Variants in KCNH5 observed in about 807,000 individuals in gnomAD.
The protein encoded by KCNH5 is potassium voltage-gated channel subfamily H member 5.
KCNH5 carries 46 observed loss-of-function variants against 96.1 expected under a neutral mutation model. That is an observed-to-expected ratio of 0.48 (90% CI 0.38 to 0.61). The LOEUF (loss-of-function observed/expected upper bound fraction) is 0.61. KCNH5 is among the 20% of genes least tolerant of loss of function. The pLI is 0.00. For synonymous variants in KCNH5, 439 were observed against 449.8 expected (o/e 0.98, Z 0.30); for missense variants, 907 against 1,225.8 (o/e 0.74, Z 3.88).
intron 7 of KCNH5, among the ~76,000 whole-genome samples, chr14:62,894,589 C>T (rs1888774918): frequency 6.6e-6 from 1 of 152,134 alleles, no homozygotes; most frequent in South Asian, 2.1e-4. Flanking sequence ...AAACAACACC[C>T]CCTAGAACAA....
intron 7 of KCNH5, among the ~76,000 whole-genome samples, chr14:62,903,009 C>T (rs868412912): frequency 1.3e-5 from 2 of 152,260 alleles, no homozygotes; most frequent in South Asian, 2.1e-4. Context: ...TGAGCCACCA[C>T]GTCTGCGATA....
intron 7 of KCNH5, among the ~76,000 whole-genome samples, chr14:62,881,174 C>G (rs529473459): frequency 6.6e-6 from 1 of 152,276 alleles, no homozygotes; most frequent in South Asian, 2.1e-4. Context: ...TACAGGTAGT[C>G]AATGATACCC....
At chr14:62,997,459 G>A (rs1890926871) in intron 4 of KCNH5, among the ~76,000 whole-genome samples, 1 of 152,078 alleles carries the variant, frequency 6.6e-6, no homozygotes, top group Admixed American at 6.5e-5. Context: ...TCTGCTGACT[G>A]GCATAATCAT....
Position 62,736,990 on chromosome 14 carries a change from C to A in KCNH5, c.2020-28535G>T, listed in dbSNP as rs942765214. On this transcript the variant is annotated intron_variant, in intron 10 of 10. Coordinates refer to ENST00000322893, the MANE Select transcript of KCNH5 (RefSeq NM_139318.5). ...TTTTTTCTCTCAGGTCCTTTATAGT[C>A]ATTATTTCCTCTGCTCATATCCCTT... Among the ~76,000 whole-genome samples, 8 of 152,250 alleles carry A rather than the reference C, an allele frequency of 5.3e-5. No homozygotes were observed. The South Asian group carries it at 1.7e-3, about 32-fold the overall frequency.
intron 10 of KCNH5, among the ~76,000 whole-genome samples, chr14:62,758,984 C>A (rs905548219): frequency 4.6e-5 from 7 of 152,172 alleles, no homozygotes; most frequent in African/African-American, 1.4e-4. Flanking sequence ...AGTTCTCTTC[C>A]ATTTGTTTAA....
At chr14:62,798,020 A>C (rs919981361) in intron 9 of KCNH5, among the ~76,000 whole-genome samples, 11 of 152,128 alleles carry the variant, frequency 7.2e-5, no homozygotes, top group Non-Finnish European at 8.8e-5. Context: ...CCCAGCCTAC[A>C]ATGGATTTTA....
intron 7 of KCNH5, among the ~76,000 whole-genome samples, chr14:62,871,177 A>G (rs375044747): frequency 2.7e-4 from 41 of 152,012 alleles, no homozygotes; most frequent in African/African-American, 9.2e-4. Context: ...TGTGTACCAG[A>G]CTCTTTGTGA....
At chr14:62,973,667 G>A (rs1890450654) in intron 6 of KCNH5, among the ~76,000 whole-genome samples, 1 of 152,052 alleles carries the variant, frequency 6.6e-6, no homozygotes, top group African/African-American at 2.4e-5. Flanking sequence ...TTTTGCTATG[G>A]CAGCACATAA....
chr14:62,701,787 T>C lies in KCNH5; in HGVS notation c.*5721A>G, dbSNP rs1246537577. ...ATTCAGAAAATTAACATTTTTTCATTAGAGAAAATTATTGAAACTCTCTGA... is the reference window on the plus strand; with the variant it reads ...ATTCAGAAAATTAACATTTTTTCATCAGAGAAAATTATTGAAACTCTCTGA... On this transcript the variant is annotated 3_prime_UTR_variant, in exon 11 of 11. Transcript: ENST00000322893. The C allele has an allele frequency of 6.6e-6, 1 of 152,114 alleles. No homozygotes were observed. Among genetic ancestry groups the C allele is most frequent in the Non-Finnish European group, 1.5e-5 (1 of 67,974 alleles). 9.4% of individuals were successfully genotyped at this position (152,114 alleles called of 1,614,324 possible). A position where few individuals can be genotyped will look rare whatever the true frequency, so the allele number is the denominator to read the frequency against.
intron 8 of KCNH5, among the ~76,000 whole-genome samples, chr14:62,807,434 C>T (rs531368613): frequency 1.7e-4 from 26 of 151,940 alleles, no homozygotes; most frequent in African/African-American, 5.8e-4. Flanking sequence ...AACTATAATG[C>T]CTTTTAGTTC....
rs184894057 is a variant in KCNH5 at position 62,779,614 on chromosome 14, T to C, written c.2019+114A>G. 112 of 791,796 alleles carry C rather than the reference T, an allele frequency of 1.4e-4. No individual in the cohort carries two copies. The African/African-American group carries it at 1.8e-3, about 13-fold the overall frequency. The allele number at this position is 791,796 out of a possible 1,614,324, so 49.0% of individuals were successfully genotyped here. ...AGAAGGAAAATTATGCCACTTTACA[T>C]TGATGGGAATTTAGTGCTGCAAAAC... On this transcript the variant is annotated intron_variant, in intron 10 of 10. Coordinates refer to ENST00000322893, the MANE Select transcript of KCNH5 (RefSeq NM_139318.5).
At chr14:62,745,633 G>A (rs765853466) in intron 10 of KCNH5, among the ~76,000 whole-genome samples, 12 of 152,160 alleles carry the variant, frequency 7.9e-5, no homozygotes, top group Non-Finnish European at 1.6e-4. Flanking sequence ...TGGGAAAGGA[G>A]TGACCTCTCT....
chr14:62,723,658 A>ATCACTATTT (rs1884863091), intron 10 of KCNH5, among the ~76,000 whole-genome samples: 1 of 152,194 alleles, frequency 6.6e-6, no homozygotes, highest in Non-Finnish European at 1.5e-5. Context: ...AAAGTTTTTA[A>ATCACTATTT]AAATAAAGAA....
At chr14:62,773,637 CCT>C (rs1406777102) in intron 10 of KCNH5, among the ~76,000 whole-genome samples, 2 of 152,172 alleles carry the variant, frequency 1.3e-5, no homozygotes, top group Non-Finnish European at 1.5e-5. Context: ...AAATAAAATT[CCT>C]CTCTTATCCT....
At chr14:62,866,806 TCTC>T (rs777788805) in intron 7 of KCNH5, among the ~76,000 whole-genome samples, 48 of 152,170 alleles carry the variant, frequency 3.2e-4, no homozygotes, top group African/African-American at 9.2e-4. Context: ...ATTGGTCACT[TCTC>T]CTCATCCACA....
At chr14:62,953,030 G>T (rs534073861) in intron 6 of KCNH5, among the ~76,000 whole-genome samples, 1 of 151,728 alleles carries the variant, frequency 6.6e-6, no homozygotes, top group Non-Finnish European at 1.5e-5. Context: ...TATATAGAGA[G>T]AGAGCATTAT....
intron 7 of KCNH5, among the ~76,000 whole-genome samples, chr14:62,858,472 C>T (rs1887972458): frequency 6.6e-6 from 1 of 152,184 alleles, no homozygotes; most frequent in South Asian, 2.1e-4. Flanking sequence ...CTAATTTCAT[C>T]TTGAAAGTGT....
chr14:62,783,356 C>A (rs72625627), intron 9 of KCNH5, among the ~76,000 whole-genome samples: 6,831 of 152,238 alleles, frequency 0.045, 332 homozygotes, highest in East Asian at 0.25. Context: ...TACCACAGTT[C>A]TTGATGGTAC....
intron 8 of KCNH5, among the ~76,000 whole-genome samples, chr14:62,816,328 G>A (rs1566669774): frequency 6.6e-6 from 1 of 151,764 alleles, no homozygotes; most frequent in Admixed American, 6.6e-5. Context: ...GTGTATGTGT[G>A]AAAAAATATA....
Sources: gnomAD v4.1 joint callset for allele counts (sites outside exome capture counted in the v4.1 genomes callset) on GRCh38, gnomAD v4.1.1 for gene constraint, MANE v1.5 for transcripts, NCBI Gene and HGNC (gene_info 2026-07-23, HGNC 2026-07-21) for gene names.